The following PGR variants were observed in gnomAD, a reference collection of about 807,000 sequenced individuals.
PGR encodes the protein nuclear receptor subfamily 3 group C member 3.
In PGR, 25 loss-of-function variants were observed where a neutral mutation model predicts 76.1. The observed-to-expected ratio is 0.33, with a 90% CI of 0.24 to 0.46. The LOEUF (loss-of-function observed/expected upper bound fraction) is 0.46. Among genes scored for constraint, PGR ranks in the 20% least tolerant of loss-of-function variants. PGR has a pLI of 1.00. For missense variants in PGR, 1,172 were observed against 1,225.3 expected (o/e 0.96, Z 0.65); for synonymous variants, 579 against 535.0 (o/e 1.08, Z -1.14).
intron 3 of PGR, among the ~76,000 whole-genome samples, chr11:101,083,834 T>A (rs1292675437): frequency 2.6e-5 from 4 of 152,182 alleles, no homozygotes; most frequent in African/African-American, 9.7e-5. Flanking sequence ...ACTTGCCTTG[T>A]CTCAGACGAG....
intron 3 of PGR, among the ~76,000 whole-genome samples, chr11:101,068,035 T>G (rs1187530633): frequency 6.6e-6 from 1 of 152,160 alleles, no homozygotes; most frequent in African/African-American, 2.4e-5. Flanking sequence ...ATGCAATCAA[T>G]TTCAAGTGTA....
At chr11:101,099,715 G>A (rs2135468391) in intron 2 of PGR, among the ~76,000 whole-genome samples, 1 of 152,282 alleles carries the variant, frequency 6.6e-6, no homozygotes, top group Admixed American at 6.5e-5. Context: ...CAGGATTACA[G>A]TTAGAGGCTC....
intron 3 of PGR, 128 bp downstream of exon 3, chr11:101,091,630 CAG>C (rs772569057): frequency 1.0e-4 from 72 of 692,098 alleles, no homozygotes; most frequent in Admixed American, 3.4e-4. Flanking sequence ...CTCACATGTG[CAG>C]AGTCACTGCC....
chr11:101,101,127 T>TTTGC (rs1485615689), intron 2 of PGR, among the ~76,000 whole-genome samples: 2 of 152,130 alleles, frequency 1.3e-5, no homozygotes, highest in Non-Finnish European at 2.9e-5. Flanking sequence ...TGACAGATGA[T>TTTGC]TTGCTTTTAC....
intron 2 of PGR, among the ~76,000 whole-genome samples, chr11:101,106,822 C>T (rs1211297563): frequency 1.2e-4 from 18 of 152,196 alleles, no homozygotes; most frequent in Non-Finnish European, 1.2e-4. Context: ...AGCCAAATGT[C>T]CATCAATGAC....
intron 3 of PGR, among the ~76,000 whole-genome samples, chr11:101,090,915 TACAC>T (rs1861655981): frequency 6.6e-6 from 1 of 152,186 alleles, no homozygotes; most frequent in Non-Finnish European, 1.5e-5. Flanking sequence ...CAAAGGAAAA[TACAC>T]ACAACGTCCA....
At chr11:101,060,635 T>C (rs551958941) in intron 4 of PGR, among the ~76,000 whole-genome samples, 1 of 152,282 alleles carries the variant, frequency 6.6e-6, no homozygotes, top group South Asian at 2.1e-4. Context: ...ATTTTCATAA[T>C]TCATTCAATA....
intron 6 of PGR, among the ~76,000 whole-genome samples, chr11:101,046,113 TTTTATTTA>T (rs142690933): frequency 8.1e-4 from 119 of 146,982 alleles, no homozygotes; most frequent in African/African-American, 2.9e-3. Context: ...ATTTATTTAT[TTTTATTTA>T]TTTATTTATT....
At chr11:101,111,807 A>G (rs1862353443) in intron 2 of PGR, among the ~76,000 whole-genome samples, 1 of 152,168 alleles carries the variant, frequency 6.6e-6, no homozygotes, top group Non-Finnish European at 1.5e-5. Context: ...GAAATTTGGA[A>G]GTGATTGGAT....
intron 2 of PGR, among the ~76,000 whole-genome samples, chr11:101,095,365 T>A (rs767505926): frequency 3.3e-5 from 5 of 152,140 alleles, no homozygotes; most frequent in Non-Finnish European, 7.4e-5. Context: ...AAAGCTCAGA[T>A]CTGCAACTTA....
Position 101,057,578 on chromosome 11 carries a change from A to G in PGR, c.2212+4869T>C, listed in dbSNP as rs749031144. 1.9e-4 allele frequency among the ~76,000 whole-genome samples: 29 copies of G among 152,214 alleles called. 1 individual carries two copies. The highest frequency in any genetic ancestry group is 1.3e-4 in the Admixed American group (2 of 15,286). ...TGGGCACCACGTGAAATTGATGGTAATAGAATCAGTCAGGAGGCTGCAACA... is the reference window on the plus strand; with the variant it reads ...TGGGCACCACGTGAAATTGATGGTAGTAGAATCAGTCAGGAGGCTGCAACA... On this transcript the variant is annotated intron_variant, in intron 4 of 7. Coordinates refer to ENST00000325455, the MANE Select transcript of PGR (RefSeq NM_000926.4).
At chr11:101,099,602 T>A (rs772246171) in intron 2 of PGR, among the ~76,000 whole-genome samples, 12 of 152,212 alleles carry the variant, frequency 7.9e-5, no homozygotes, top group Non-Finnish European at 1.6e-4. Context: ...GAGAGTATTG[T>A]GATCCAACAG....
chr11:101,034,309 C>A lies in PGR; in HGVS notation c.*4807G>T. ...TCCTGCAACAGTCTTCCAGACTCCA[C>A]AGCTGCATAAGGCTGCGGACAAGCT... On this transcript the variant is annotated 3_prime_UTR_variant, in exon 8 of 8. Coordinates refer to ENST00000325455, the MANE Select transcript of PGR (RefSeq NM_000926.4). 4.5e-6 allele frequency: 1 copy of A among 219,972 alleles called. No homozygotes were observed. The highest frequency in any genetic ancestry group is 9.1e-6 in the Non-Finnish European group (1 of 109,568). 13.6% of individuals were successfully genotyped at this position (219,972 alleles called of 1,614,324 possible).
intron 3 of PGR, among the ~76,000 whole-genome samples, chr11:101,079,983 A>T (rs746768446): frequency 9.2e-5 from 14 of 152,130 alleles, no homozygotes; most frequent in Non-Finnish European, 1.8e-4. Flanking sequence ...GCAGCTGAGG[A>T]GGTTTCCAAG....
At chr11:101,070,437 T>C (rs1860887952) in intron 3 of PGR, among the ~76,000 whole-genome samples, 1 of 152,126 alleles carries the variant, frequency 6.6e-6, no homozygotes, top group African/African-American at 2.4e-5. Context: ...GAGTTTTTTT[T>C]CATACCCCAG....
In PGR at chr11:101,126,118, C is replaced by G. The variant is rs571790430; in HGVS notation, c.1678G>C (p.Glu560Gln). 9.3e-6 allele frequency: 15 copies of G among 1,613,910 alleles called. No homozygotes were observed. Among genetic ancestry groups the G allele is most frequent in the East Asian group, 2.2e-5 (1 of 44,890 alleles). Residue 560 changes from glutamate to glutamine, a missense_variant, in exon 2 of 8, where the codon GAG becomes CAG. Glu to Gln is a conservative substitution (Grantham distance 29). This residue lies in a region of PGR where 893 missense variants were observed against 785.9 expected (regional missense o/e 1.14). Transcript: ENST00000325455. The part of the protein sequence containing the change: ...EASQSPQYSF[E>Q]SLPQKICLIC... The stretch of plus-strand genomic sequence containing the variant: ...AAACAAATCTTCTGAGGTAATGACT[C>G]GAAGCTGTATTGTGGGCTCTGGCTG...
At chr11:101,080,460 T>G (rs747797432) in intron 3 of PGR, among the ~76,000 whole-genome samples, 1 of 150,414 alleles carries the variant, frequency 6.6e-6, no homozygotes. Flanking sequence ...AATACCATTA[T>G]AGGGAAAGAA....
At chr11:101,103,137 A>G (rs1003614636) in intron 2 of PGR, among the ~76,000 whole-genome samples, 13 of 151,764 alleles carry the variant, frequency 8.6e-5, no homozygotes, top group African/African-American at 2.9e-4. Context: ...GGCAGGAGAA[A>G]TGATAATGTA....
At chr11:101,052,118 A>AAACC (rs1860111331) in intron 4 of PGR, among the ~76,000 whole-genome samples, 1 of 152,172 alleles carries the variant, frequency 6.6e-6, no homozygotes, top group African/African-American at 2.4e-5. Context: ...TTACTTTGTA[A>AAACC]AACCACTGCT....
Sources: gnomAD v4.1 joint callset for allele counts (sites outside exome capture counted in the v4.1 genomes callset) on GRCh38, gnomAD v4.1.1 for gene constraint, gnomAD v4.1.1 regional missense constraint, MANE v1.5 for transcripts, NCBI Gene and HGNC (gene_info 2026-07-23, HGNC 2026-07-21) for gene names.